SUPT16H: variants seen among roughly 807,000 people sequenced by gnomAD.
SUPT16H encodes SPT16 homolog, facilitates chromatin remodeling subunit.
A neutral mutation model predicts 136.2 loss-of-function variants in SUPT16H; 24 were observed. That is an observed-to-expected ratio of 0.18 (90% CI 0.13 to 0.25). The LOEUF (loss-of-function observed/expected upper bound fraction) is 0.25, where lower values mean the gene tolerates loss of function less well. Ranked by LOEUF, SUPT16H falls within the 10% of genes least tolerant of loss-of-function variation. SUPT16H has a pLI of 1.00. For missense variants in SUPT16H, 623 were observed against 1,270.2 expected, an observed-to-expected ratio of 0.49 and a Z score of 7.74; for synonymous variants, 415 against 428.2, an observed-to-expected ratio of 0.97 and a Z score of 0.38.
intron 2 of SUPT16H, 51 bp from the exon 3 acceptor site, chr14:21,372,095 T>C (rs1298549638): frequency 2.6e-6 from 4 of 1,551,392 alleles, no homozygotes; most frequent in Admixed American, 2.0e-5. Context: ...CAAAAATTAA[T>C]GGACTCATAT....
intron 2 of SUPT16H, among the ~76,000 whole-genome samples, chr14:21,372,954 T>A (rs1174591663): frequency 6.6e-6 from 1 of 152,174 alleles, no homozygotes; most frequent in African/African-American, 2.4e-5. Context: ...TGAAATTTTT[T>A]AAAGTAAGAG....
chr14:21,358,577 G>C lies in SUPT16H; in HGVS notation c.2302-150C>G. The C allele has an allele frequency of 6.5e-6, 4 of 617,800 alleles. No individual in the cohort carries two copies. In the South Asian group the frequency reaches 8.0e-5, roughly 12 times the overall value. 38.3% of individuals were successfully genotyped at this position (617,800 alleles called of 1,614,324 possible). ...GCAGGATTTGCAGGTTTGTTACACA[G>C]GTAAACGTGTGCCATGGTGGTTTGC... On this transcript the variant is annotated intron_variant, in intron 19 of 25. Coordinates refer to ENST00000216297, the MANE Select transcript of SUPT16H (RefSeq NM_007192.4).
chr14:21,375,444 G>T (rs1886880043), intron 1 of SUPT16H, among the ~76,000 whole-genome samples: 1 of 152,030 alleles, frequency 6.6e-6, no homozygotes, highest in South Asian at 2.1e-4. Context: ...TAGCTGAGTT[G>T]TTGCTTTATT....
intron 1 of SUPT16H, among the ~76,000 whole-genome samples, chr14:21,377,738 C>A (rs774553988): frequency 1.2e-4 from 19 of 152,176 alleles, no homozygotes; most frequent in African/African-American, 4.1e-4. Flanking sequence ...ATTCTCGTGC[C>A]TCAGCCTCCT....
intron 23 of SUPT16H, 29 bp from the exon 24 acceptor site, chr14:21,353,861 T>C: frequency 1.9e-6 from 3 of 1,590,042 alleles, no homozygotes; most frequent in Non-Finnish European, 8.6e-7. Context: ...ATACTGATTT[T>C]TTTTTGACAT....
At chr14:21,355,167 C>T (rs555786504) in intron 22 of SUPT16H, among the ~76,000 whole-genome samples, 10 of 152,170 alleles carry the variant, frequency 6.6e-5, no homozygotes, top group African/African-American at 1.4e-4. Flanking sequence ...ACCACTTCTG[C>T]GATTCTGTTT....
chr14:21,362,720 GATTA>G, intron 14 of SUPT16H, 70 bp downstream of exon 14: 1 of 1,501,540 alleles, frequency 6.7e-7, no homozygotes, highest in Non-Finnish European at 8.9e-7. Context: ...GATGAATGCA[GATTA>G]TTTATGGCAA....
intron 22 of SUPT16H, 83 bp downstream of exon 22, chr14:21,357,114 A>G: frequency 1.5e-6 from 2 of 1,354,728 alleles, no homozygotes; most frequent in Non-Finnish European, 9.7e-7. Flanking sequence ...ATATCAGTAG[A>G]TTTTATGCAC....
In SUPT16H at chr14:21,369,975, A is replaced by G. The variant is rs1886751452; in HGVS notation, c.484-79T>C. Reference sequence around the variant, plus strand: ...AATGCATCTCTCCAATTTGAATATTACCAGTGATATTTCTGTTATTTAGCA... The same window carrying G: ...AATGCATCTCTCCAATTTGAATATTGCCAGTGATATTTCTGTTATTTAGCA... On this transcript the variant is annotated intron_variant, in intron 4 of 25. Coordinates refer to ENST00000216297, the MANE Select transcript of SUPT16H (RefSeq NM_007192.4). 6 of 1,506,044 alleles carry G rather than the reference A, an allele frequency of 4.0e-6. No individual in the cohort carries two copies. In the East Asian group the frequency reaches 6.9e-5, roughly 17 times the overall value. The allele number at this position is 1,506,044 out of a possible 1,614,324, so 93.3% of individuals were successfully genotyped here.
At position 21,379,881 on chromosome 14, in the gene SUPT16H, AAAACAAAC is replaced by A. The variant is rs141049084; in HGVS notation, c.66+3973_66+3980del. Reference sequence around the variant, plus strand: ...GCCTCAGCCACAGAGTGAAACTCAAAAAACAAACAAACAAACAAACAAACAAACAAAAA... The same window carrying A: ...GCCTCAGCCACAGAGTGAAACTCAAAAAACAAACAAACAAACAAACAAAAA... On this transcript the variant is annotated intron_variant, in intron 1 of 25. Coordinates refer to ENST00000216297, the MANE Select transcript of SUPT16H (RefSeq NM_007192.4). Among the ~76,000 whole-genome samples, 418 of 149,534 alleles carry A rather than the reference AAAACAAAC, an allele frequency of 2.8e-3. 3 individuals are homozygous for A. The highest frequency in any genetic ancestry group is 8.7e-3 in the African/African-American group (352 of 40,498).
At chr14:21,371,094 C>T (rs577962218) in intron 3 of SUPT16H, among the ~76,000 whole-genome samples, 7 of 151,938 alleles carry the variant, frequency 4.6e-5, no homozygotes, top group African/African-American at 1.7e-4. Flanking sequence ...CCAGGCTCAT[C>T]TGGAACTCCT....
intron 2 of SUPT16H, chr14:21,372,532 G>C: frequency 3.0e-6 from 1 of 334,352 alleles, no homozygotes; most frequent in South Asian, 2.4e-5. Context: ...AAATGGTAGT[G>C]TGTGGAGCTT....
At chr14:21,367,227 G>C (rs1348458109) in intron 7 of SUPT16H, among the ~76,000 whole-genome samples, 1 of 152,108 alleles carries the variant, frequency 6.6e-6, no homozygotes, top group African/African-American at 2.4e-5. Flanking sequence ...CACCATACCC[G>C]GCCCCGATCC....
At chr14:21,383,686 C>G in intron 1 of SUPT16H, 176 bp downstream of exon 1, 1 of 744,758 alleles carries the variant, frequency 1.3e-6, no homozygotes, top group Non-Finnish European at 2.4e-6. Flanking sequence ...CGGGGGATTC[C>G]CTGTTAAGGG....
chr14:21,383,804 G>C lies in SUPT16H; in HGVS notation c.66+58C>G, dbSNP rs763487348. ...AGAGAAAAAAGGGCGCCGAGAAACA[G>C]GGTTATTATGGGATGGCTAAGGGGG... On this transcript the variant is annotated intron_variant, in intron 1 of 25. Transcript: ENST00000216297. 7 of 1,593,726 alleles carry C rather than the reference G, an allele frequency of 4.4e-6. No individual in the cohort carries two copies. The South Asian group carries it at 7.7e-5, about 18-fold the overall frequency.
chr14:21,361,542 C>G (rs1253050722), intron 15 of SUPT16H, among the ~76,000 whole-genome samples: 1 of 151,978 alleles, frequency 6.6e-6, no homozygotes, highest in East Asian at 1.9e-4. Flanking sequence ...GTCTTGAACT[C>G]CTGGCCTCAT....
chr14:21,382,290 G>A (rs901758675), intron 1 of SUPT16H, among the ~76,000 whole-genome samples: 1 of 152,142 alleles, frequency 6.6e-6, no homozygotes, highest in African/African-American at 2.4e-5. Context: ...ATTCTCCCAA[G>A]ATGATGTCAT....
chr14:21,358,457 C>T, intron 19 of SUPT16H, 30 bp from the exon 20 acceptor site: 1 of 1,506,520 alleles, frequency 6.6e-7, no homozygotes, highest in Non-Finnish European at 9.2e-7. Flanking sequence ...CAAATACAGC[C>T]ATCACATTTG....
chr14:21,352,959 G>A, intron 25 of SUPT16H, 141 bp from the exon 26 acceptor site: 6 of 1,139,090 alleles, frequency 5.3e-6, no homozygotes, highest in Non-Finnish European at 7.5e-6. Context: ...CTGAACCTTG[G>A]TTTATTTACA....
Sources: allele counts gnomAD v4.1 joint callset (sites outside exome capture counted in the v4.1 genomes callset), GRCh38; gene constraint gnomAD v4.1.1; transcripts MANE v1.5; gene names NCBI Gene and HGNC (gene_info 2026-07-23, HGNC 2026-07-21).